ADAMTS3: variants seen among roughly 807,000 people sequenced by gnomAD.
ADAMTS3 encodes ADAM metallopeptidase with thrombospondin type 1 motif 3.
In ADAMTS3, 73 loss-of-function variants were observed where a neutral mutation model predicts 129.0. That is an observed-to-expected ratio of 0.57 (90% confidence interval 0.47 to 0.69). The LOEUF (loss-of-function observed/expected upper bound fraction) is 0.69. Ranked by LOEUF, ADAMTS3 falls within the 30% of genes least tolerant of loss-of-function variation. ADAMTS3 has a pLI of 0.00. For synonymous variants in ADAMTS3, 477 were observed against 510.8 expected, an observed-to-expected ratio of 0.93 and a Z score of 0.89; for missense variants, 1,457 against 1,514.5, an observed-to-expected ratio of 0.96 and a Z score of 0.63.
intron 18 of ADAMTS3, 132 bp downstream of exon 18, chr4:72,298,145 T>C: frequency 1.5e-6 from 1 of 655,946 alleles, no homozygotes; most frequent in Non-Finnish European, 2.5e-6. Flanking sequence ...AAATGTTTTG[T>C]ATTGATGTTT....
At position 72,439,645 on chromosome 4, in the gene ADAMTS3, C is replaced by A. The variant is rs182219778; in HGVS notation, c.505-24674G>T. Among the ~76,000 whole-genome samples, 37 of 151,586 alleles carry A rather than the reference C, an allele frequency of 2.4e-4. No individual in the cohort carries two copies. The East Asian group carries it at 6.7e-3, about 27-fold the overall frequency. On this transcript the variant is annotated intron_variant, in intron 3 of 21. Coordinates refer to ENST00000286657, the MANE Select transcript of ADAMTS3 (RefSeq NM_014243.3). ...TATTTAAAAAAATCACCACCCTAACCAGTGGTTTTCCCTCATGTGAGATAT... is the reference window on the plus strand; with the variant it reads ...TATTTAAAAAAATCACCACCCTAACAAGTGGTTTTCCCTCATGTGAGATAT...
chr4:72,403,283 T>C (rs1721971164), intron 4 of ADAMTS3, among the ~76,000 whole-genome samples: 1 of 152,116 alleles, frequency 6.6e-6, no homozygotes, highest in Non-Finnish European at 1.5e-5. Context: ...TATGGCTTCA[T>C]GGTGACCACA....
intron 17 of ADAMTS3, among the ~76,000 whole-genome samples, chr4:72,300,531 C>T (rs755598506): frequency 6.6e-6 from 1 of 152,034 alleles, no homozygotes; most frequent in Non-Finnish European, 1.5e-5. Context: ...TATTATGGAA[C>T]AGGATGAGAG....
intron 3 of ADAMTS3, among the ~76,000 whole-genome samples, chr4:72,528,121 A>T (rs1720862371): frequency 6.6e-6 from 1 of 152,172 alleles, no homozygotes; most frequent in African/African-American, 2.4e-5. Flanking sequence ...AATAACACTG[A>T]CTGAAAAGTC....
intron 3 of ADAMTS3, among the ~76,000 whole-genome samples, chr4:72,510,819 C>CAAAAAAAAA (rs869030257): frequency 1.6e-5 from 1 of 63,646 alleles, no homozygotes; most frequent in Non-Finnish European, 2.9e-5. Context: ...ATCCTTAAGC[C>CAAAAAAAAA]AAAAAAAAAA....
intron 3 of ADAMTS3, among the ~76,000 whole-genome samples, chr4:72,445,020 A>G (rs1231785760): frequency 1.3e-5 from 2 of 151,668 alleles, no homozygotes; most frequent in Non-Finnish European, 3.0e-5. Flanking sequence ...AAAATAGATC[A>G]GTGGTTTCTG....
chr4:72,425,349 T>TA (rs1722544602), intron 3 of ADAMTS3, among the ~76,000 whole-genome samples: 1 of 152,280 alleles, frequency 6.6e-6, no homozygotes, highest in African/African-American at 2.4e-5. Flanking sequence ...TCTTTTTTTT[T>TA]ATACTTTACA....
chr4:72,433,275 G>T (rs1291124820), intron 3 of ADAMTS3, among the ~76,000 whole-genome samples: 1 of 151,866 alleles, frequency 6.6e-6, no homozygotes, highest in Non-Finnish European at 1.5e-5. Context: ...AAGAGCCAAG[G>T]ATAAAGACTG....
At chr4:72,454,135 A>C (rs190471530) in intron 3 of ADAMTS3, among the ~76,000 whole-genome samples, 45 of 151,614 alleles carry the variant, frequency 3.0e-4, no homozygotes, top group Non-Finnish European at 7.4e-5. Flanking sequence ...GTTAAATTCT[A>C]TATTTCAAAC....
At chr4:72,313,101 T>C (rs1393471607) in intron 12 of ADAMTS3, among the ~76,000 whole-genome samples, 1 of 152,174 alleles carries the variant, frequency 6.6e-6, no homozygotes, top group Non-Finnish European at 1.5e-5. Flanking sequence ...GCTCACATAT[T>C]AAACCCTAGA....
intron 3 of ADAMTS3, among the ~76,000 whole-genome samples, chr4:72,523,369 ACT>A (rs1720724807): frequency 2.0e-5 from 3 of 151,992 alleles, no homozygotes; most frequent in Admixed American, 2.0e-4. Flanking sequence ...CAAAATCAAA[ACT>A]CTGAGGATAC....
intron 21 of ADAMTS3, 106 bp downstream of exon 21, chr4:72,288,645 T>C: frequency 1.3e-6 from 1 of 746,842 alleles, no homozygotes; most frequent in Admixed American, 2.2e-5. Context: ...CCTTTGGTTA[T>C]TTATCAGTAA....
intron 4 of ADAMTS3, among the ~76,000 whole-genome samples, chr4:72,352,469 C>T (rs1293409517): frequency 1.3e-5 from 2 of 152,032 alleles, no homozygotes; most frequent in Non-Finnish European, 2.9e-5. Context: ...GACATCCCCT[C>T]ACCTTTCTTT....
In ADAMTS3 at chr4:72,304,036, C is replaced by A; in HGVS notation, c.2305G>T (p.Gly769Trp). Residue 769 changes from glycine (G) to tryptophan (W), a missense_variant, in exon 17 of 22, where the codon GGG becomes TGG. Transcript: ENST00000286657. ...ATGHYILNGK[G>W]EEAKSRTFID... ...AAGGTCCGCGACTTGGCTTCCTCCC[C>A]TTTGCCATTTAAAATATAATGGCCT... The A allele has an allele frequency of 6.2e-7, 1 of 1,613,692 alleles. No homozygotes were observed. Among genetic ancestry groups the A allele is most frequent in the Non-Finnish European group, 8.5e-7 (1 of 1,179,718 alleles).
intron 3 of ADAMTS3, among the ~76,000 whole-genome samples, chr4:72,418,057 C>T (rs1722353707): frequency 6.6e-6 from 1 of 151,922 alleles, no homozygotes; most frequent in African/African-American, 2.4e-5. Flanking sequence ...AAAATACATG[C>T]CTACTGAAAT....
At chr4:72,456,874 G>T (rs1050979317) in intron 3 of ADAMTS3, among the ~76,000 whole-genome samples, 1 of 151,666 alleles carries the variant, frequency 6.6e-6, no homozygotes, top group South Asian at 2.1e-4. Context: ...CACAGGGAGG[G>T]ACTACAAAGG....
intron 4 of ADAMTS3, among the ~76,000 whole-genome samples, chr4:72,397,598 G>A (rs917680704): frequency 4.2e-5 from 6 of 143,492 alleles, no homozygotes; most frequent in Non-Finnish European, 7.8e-5. Flanking sequence ...CACAAAGAAA[G>A]AAAAGTATAT....
chr4:72,322,464 C>CT (rs1719581181), intron 6 of ADAMTS3, among the ~76,000 whole-genome samples: 1 of 152,126 alleles, frequency 6.6e-6, no homozygotes, highest in Non-Finnish European at 1.5e-5. Flanking sequence ...CAACTCTTTG[C>CT]TTTTGAAAAA....
chr4:72,417,031 G>A (rs937292493), intron 3 of ADAMTS3, among the ~76,000 whole-genome samples: 6 of 152,210 alleles, frequency 3.9e-5, no homozygotes, highest in Admixed American at 3.9e-4. Context: ...AGTTTATAAG[G>A]TGAAGTGCAT....
Sources: allele counts gnomAD v4.1 joint callset (sites outside exome capture counted in the v4.1 genomes callset), GRCh38; gene constraint gnomAD v4.1.1; transcripts MANE v1.5; gene names NCBI Gene and HGNC (gene_info 2026-07-23, HGNC 2026-07-21).